NEK5: variants seen among roughly 807,000 people sequenced by gnomAD.
The protein encoded by NEK5 is serine/threonine-protein kinase Nek5.
NEK5 carries 88 observed loss-of-function variants against 109.2 expected under a neutral mutation model. That is an observed-to-expected ratio of 0.81 (90% CI 0.68 to 0.96). The LOEUF is 0.96. NEK5 is among the 40% of genes least tolerant of loss of function. The pLI, the probability that NEK5 is intolerant of heterozygous loss-of-function variation, is 0.00. For missense variants in NEK5, 834 were observed against 920.7 expected (o/e 0.91, Z 1.22); for synonymous variants, 283 against 299.9 (o/e 0.94, Z 0.58).
chr13:52,100,268 C>CT (rs931301992), intron 11 of NEK5, among the ~76,000 whole-genome samples: 16 of 148,242 alleles, frequency 1.1e-4, no homozygotes, highest in South Asian at 4.3e-4. Context: ...GATCTTCTCT[C>CT]TTTTTTTTTT....
At chr13:52,125,759 C>A (rs1555318569) in intron 3 of NEK5, among the ~76,000 whole-genome samples, 4 of 151,982 alleles carry the variant, frequency 2.6e-5, no homozygotes, top group Non-Finnish European at 5.9e-5. Context: ...AGGACATACA[C>A]AGGGCGAAGA....
At chr13:52,083,476 G>C in intron 16 of NEK5, 124 bp from the exon 17 acceptor site, 1 of 626,054 alleles carries the variant, frequency 1.6e-6, no homozygotes, top group Non-Finnish European at 2.9e-6. Flanking sequence ...CCTTTTCCCC[G>C]CCACAGCTTC....
At chr13:52,099,650 C>A in intron 12 of NEK5, 93 bp downstream of exon 12, 2 of 1,386,894 alleles carry the variant, frequency 1.4e-6, no homozygotes, top group East Asian at 4.6e-5. Context: ...AGCCTGGCGA[C>A]AGAGCGAGAC....
chr13:52,063,786 C>T (rs1954637193), intron 21 of NEK5, among the ~76,000 whole-genome samples: 1 of 150,776 alleles, frequency 6.6e-6, no homozygotes, highest in Admixed American at 6.6e-5. Flanking sequence ...GTGAGGAGAC[C>T]CTCCGCCTGG....
intron 4 of NEK5, among the ~76,000 whole-genome samples, chr13:52,113,708 C>T (rs1955799352): frequency 6.6e-6 from 1 of 151,252 alleles, no homozygotes; most frequent in African/African-American, 2.4e-5. Flanking sequence ...TGTATAATTG[C>T]TAGGATCCAA....
chr13:52,121,815 A>G (rs1461194075), intron 3 of NEK5, among the ~76,000 whole-genome samples: 4 of 152,250 alleles, frequency 2.6e-5, no homozygotes, highest in Non-Finnish European at 4.4e-5. Flanking sequence ...TTTGTTTAAT[A>G]AAAATGAATC....
intron 17 of NEK5, among the ~76,000 whole-genome samples, chr13:52,079,049 C>CTGG (rs1430961122): frequency 6.6e-6 from 1 of 152,126 alleles, no homozygotes; most frequent in Non-Finnish European, 1.5e-5. Context: ...CTGACACAGG[C>CTGG]TGGTGTATGA....
At chr13:52,085,252 G>T (rs1052690115) in intron 16 of NEK5, among the ~76,000 whole-genome samples, 1 of 152,104 alleles carries the variant, frequency 6.6e-6, no homozygotes, top group African/African-American at 2.4e-5. Context: ...TTCATGTAAG[G>T]CATGACTTTG....
chr13:52,123,711 C>T (rs1956012689), intron 3 of NEK5, among the ~76,000 whole-genome samples: 1 of 152,084 alleles, frequency 6.6e-6, no homozygotes, highest in Admixed American at 6.5e-5. Flanking sequence ...AATAAACAGC[C>T]AAAGCATGTC....
At chr13:52,074,344 T>C (rs1186882858) in intron 19 of NEK5, among the ~76,000 whole-genome samples, 1 of 152,164 alleles carries the variant, frequency 6.6e-6, no homozygotes, top group African/African-American at 2.4e-5. Context: ...TACAGCCATA[T>C]AATCTTTGAC....
intron 8 of NEK5, among the ~76,000 whole-genome samples, chr13:52,107,219 C>T (rs1955673184): frequency 6.6e-6 from 1 of 152,072 alleles, no homozygotes; most frequent in Non-Finnish European, 1.5e-5. Flanking sequence ...CATTTTGTGG[C>T]AGGCCAGGTC....
chr13:52,060,423 C>T (rs1237158935), intron 22 of NEK5, among the ~76,000 whole-genome samples: 2 of 152,066 alleles, frequency 1.3e-5, no homozygotes, highest in African/African-American at 2.4e-5. Context: ...GGCGCCATCT[C>T]GGCTCACTGC....
At chr13:52,087,247 T>A (rs910438931) in intron 15 of NEK5, 91 bp downstream of exon 15, 2 of 670,616 alleles carry the variant, frequency 3.0e-6, no homozygotes, top group East Asian at 5.1e-5. Context: ...TCAGGGGCAC[T>A]GTAGGAAATA....
chr13:52,065,063 T>C (rs1954664399), intron 21 of NEK5: 4 of 243,792 alleles, frequency 1.6e-5, no homozygotes, highest in African/African-American at 6.8e-5. Flanking sequence ...CCCTCCACTA[T>C]TGTCCTATGA....
chr13:52,058,039 G>A (rs1036563796), intron 22 of NEK5, among the ~76,000 whole-genome samples: 53 of 152,054 alleles, frequency 3.5e-4, no homozygotes, highest in African/African-American at 1.2e-3. Flanking sequence ...ACATGATTGT[G>A]TATCTAGAAA....
At chr13:52,081,707 A>G (rs972979454) in intron 17 of NEK5, among the ~76,000 whole-genome samples, 2 of 152,236 alleles carry the variant, frequency 1.3e-5, no homozygotes, top group Admixed American at 1.3e-4. Context: ...CTCCTCTTGC[A>G]TAAAATATAC....
At chr13:52,121,554 T>C (rs1189249828) in intron 3 of NEK5, among the ~76,000 whole-genome samples, 1 of 152,210 alleles carries the variant, frequency 6.6e-6, no homozygotes, top group African/African-American at 2.4e-5. Context: ...GTTTTATTGC[T>C]AGTTTTTAAG....
At chr13:52,054,642 C>A (rs1367323711) in intron 22 of NEK5, among the ~76,000 whole-genome samples, 1 of 152,242 alleles carries the variant, frequency 6.6e-6, no homozygotes, top group Non-Finnish European at 1.5e-5. Context: ...TCCCTGACCC[C>A]TGACCCCTGA....
chr13:52,099,847 C>T lies in NEK5; in HGVS notation c.922G>A (p.Gly308Arg), dbSNP rs2137989948. 1 of 1,613,364 alleles carries T rather than the reference C, an allele frequency of 6.2e-7. No individual in the cohort carries two copies. The highest frequency in any genetic ancestry group is 1.7e-5 in the Admixed American group (1 of 59,956). Residue 308 changes from glycine (G) to arginine (R), a missense_variant, in exon 12 of 24, where the codon GGA (glycine) becomes AGA (arginine). Physicochemically the swap from Gly to Arg is moderately radical, Grantham distance 125. Transcript: ENST00000684899. The stretch of plus-strand genomic sequence containing the variant: ...ATCCTTGATCTTGGTGGGCACTTTC[C>T]CTGGAATCTCACTTTTTGTATTTTA... ...KCKIQKVRFQ[G>R]KCPPRSRISV...
Sources: allele counts gnomAD v4.1 joint callset (sites outside exome capture counted in the v4.1 genomes callset), GRCh38; gene constraint gnomAD v4.1.1; transcripts MANE v1.5; gene names NCBI Gene and HGNC (gene_info 2026-07-23, HGNC 2026-07-21).